ABCC4: variants seen among roughly 807,000 people sequenced by gnomAD.
ABCC4 encodes the protein ATP binding cassette subfamily C member 4 (PEL blood group), also known as ATP-binding cassette sub-family C member 4.
Under a neutral mutation model 168.5 loss-of-function variants are expected in ABCC4, and 102 were observed. The ratio of observed to expected loss-of-function variants is 0.61; its 90% CI spans 0.52 to 0.71. ABCC4 has a LOEUF of 0.71. ABCC4 is among the 30% of genes least tolerant of loss of function. The pLI, the probability that ABCC4 is intolerant of heterozygous loss-of-function variation, is 0.00. For missense variants in ABCC4, 1,402 were observed against 1,605.8 expected (o/e 0.87, Z 2.17); for synonymous variants, 617 against 590.7 (o/e 1.04, Z -0.65).
rs2038275992 is a variant in ABCC4 at position 95,192,204 on chromosome 13, CCAG to C, written c.1263+2629_1263+2631del. Among the ~76,000 whole-genome samples the C allele has an allele frequency of 3.9e-5, 6 of 152,284 alleles. No individual in the cohort carries two copies. The South Asian group carries it at 1.0e-3, about 26-fold the overall frequency. ...TTCCCTCCAATACCTGCTGGTCTAT[CCAG>C]CAGGACTGCTGCTGGGGTCTCTGTC... is the stretch of plus-strand genomic sequence containing the variant. On this transcript the variant is annotated intron_variant, in intron 9 of 30. Coordinates refer to ENST00000645237, the MANE Select transcript of ABCC4 (RefSeq NM_005845.5).
intron 20 of ABCC4, among the ~76,000 whole-genome samples, chr13:95,106,982 C>T (rs1207970325): frequency 6.6e-6 from 1 of 152,122 alleles, no homozygotes; most frequent in African/African-American, 2.4e-5. Context: ...TCAGGCTGGG[C>T]GTGGTGGCTC....
At chr13:95,174,741 G>A (rs982218294) in intron 13 of ABCC4, among the ~76,000 whole-genome samples, 1 of 152,092 alleles carries the variant, frequency 6.6e-6, no homozygotes, top group Non-Finnish European at 1.5e-5. Context: ...GTGGGGCCTC[G>A]CGCAAGACTC....
intron 14 of ABCC4, among the ~76,000 whole-genome samples, chr13:95,169,456 G>A (rs1299501880): frequency 1.3e-5 from 2 of 152,094 alleles, no homozygotes; most frequent in Admixed American, 1.3e-4. Context: ...ACTGCTCTGA[G>A]CCCACCTTTC....
rs144954799 is a variant in ABCC4 at position 95,227,512 on chromosome 13, G to T, written c.531+7098C>A. 7.4e-4 allele frequency among the ~76,000 whole-genome samples: 112 copies of T among 152,214 alleles called. No homozygotes were observed. The East Asian group carries it at 0.02, about 28-fold the overall frequency. ...AACTTAGAAAATAACATTAGAAGAG[G>T]AAGTCCAACCAAAGTATCACATGTG... On this transcript the variant is annotated intron_variant, in intron 4 of 30. Transcript: ENST00000645237.
chr13:95,068,569 G>C (rs373752233), intron 25 of ABCC4, among the ~76,000 whole-genome samples: 72 of 152,284 alleles, frequency 4.7e-4, no homozygotes, highest in African/African-American at 1.7e-3. Context: ...AATGAGCCAA[G>C]ATTGCGCCAC....
At chr13:95,057,725 G>A (rs558527668) in intron 26 of ABCC4, among the ~76,000 whole-genome samples, 7 of 152,338 alleles carry the variant, frequency 4.6e-5, no homozygotes, top group Non-Finnish European at 8.8e-5. Context: ...GGAAGAGAGA[G>A]AACACAGAAA....
rs1166666891 is a variant in ABCC4 at position 95,019,962 on chromosome 13, G to C, written c.*1613C>G. 6.6e-6 allele frequency: 1 copy of C among 152,158 alleles called. No homozygotes were observed. The highest frequency in any genetic ancestry group is 2.4e-5 in the African/African-American group (1 of 41,436). 9.4% of individuals were successfully genotyped at this position (152,158 alleles called of 1,614,324 possible). ...CCTCAAAAGTCCAAATAAACATATA[G>C]ACATTTTGAATATAGCTATCGTTTT... is the stretch of plus-strand genomic sequence containing the variant. On this transcript the variant is annotated 3_prime_UTR_variant, in exon 31 of 31. Transcript: ENST00000645237.
At chr13:95,164,040 C>CAAAAAAAAAAAAAAAAAA in intron 16 of ABCC4, among the ~76,000 whole-genome samples, 1 of 74,742 alleles carries the variant, frequency 1.3e-5, no homozygotes, top group African/African-American at 4.2e-5. Flanking sequence ...AACTCCATCT[C>CAAAAAAAAAAAAAAAAAA]AAAAAAAAAA....
At chr13:95,159,737 C>G (rs978684345) in intron 19 of ABCC4, among the ~76,000 whole-genome samples, 3 of 152,204 alleles carry the variant, frequency 2.0e-5, no homozygotes, top group African/African-American at 7.2e-5. Flanking sequence ...TTTGTGTGGT[C>G]TCTGCAGTTT....
At chr13:95,083,895 G>C (rs373530381) in intron 20 of ABCC4, among the ~76,000 whole-genome samples, 1 of 152,218 alleles carries the variant, frequency 6.6e-6, no homozygotes, top group East Asian at 1.9e-4. Context: ...TAATGGATGA[G>C]AAAACTGAGA....
chr13:95,291,686 T>C (rs2041409006), intron 1 of ABCC4, among the ~76,000 whole-genome samples: 1 of 152,156 alleles, frequency 6.6e-6, no homozygotes, highest in African/African-American at 2.4e-5. Flanking sequence ...CAATTGGCCA[T>C]GTGTCCAATA....
At chr13:95,181,812 A>C (rs2037904502) in intron 11 of ABCC4, among the ~76,000 whole-genome samples, 1 of 152,200 alleles carries the variant, frequency 6.6e-6, no homozygotes, top group Non-Finnish European at 1.5e-5. Flanking sequence ...TTGCCCTTTC[A>C]TATCATGCTT....
chr13:95,108,343 T>C (rs1044236735), intron 20 of ABCC4, among the ~76,000 whole-genome samples: 5 of 152,172 alleles, frequency 3.3e-5, no homozygotes, highest in African/African-American at 1.2e-4. Flanking sequence ...GTGATAGATA[T>C]GGTTTGGCTG....
intron 1 of ABCC4, among the ~76,000 whole-genome samples, chr13:95,270,996 G>A (rs149755931): frequency 0.055 from 8,386 of 152,282 alleles, 274 homozygotes; most frequent in Non-Finnish European, 0.067. Flanking sequence ...TCGGGAGGCT[G>A]AGGCAGGAGA....
Position 95,161,183 on chromosome 13 carries a change from A to G in ABCC4, c.2455+6T>C. ...TACTTACTGAGAAACTTGGTGTCAGACTTACCTATTGGATTTCTATCAAAG... is the reference window on the plus strand; with the variant it reads ...TACTTACTGAGAAACTTGGTGTCAGGCTTACCTATTGGATTTCTATCAAAG... On this transcript the variant is annotated splice_donor_region_variant and intron_variant, in intron 19 of 30. Transcript: ENST00000645237. 1 of 1,592,664 alleles carries G rather than the reference A, an allele frequency of 6.3e-7. No individual in the cohort carries two copies. Among genetic ancestry groups the G allele is most frequent in the East Asian group, 2.3e-5 (1 of 44,210 alleles).
intron 19 of ABCC4, among the ~76,000 whole-genome samples, chr13:95,159,093 T>TTATATG (rs1257474310): frequency 4.9e-5 from 3 of 61,016 alleles, no homozygotes; most frequent in African/African-American, 1.4e-4. Flanking sequence ...TAAATAAATT[T>TTATATG]TATATATATA....
intron 4 of ABCC4, among the ~76,000 whole-genome samples, chr13:95,215,436 T>C (rs1386799822): frequency 6.6e-6 from 1 of 152,098 alleles, no homozygotes; most frequent in Admixed American, 6.6e-5. Context: ...GAAGACAAAT[T>C]ACTTTGAAAA....
chr13:95,051,596 C>T (rs1274502950), intron 27 of ABCC4, among the ~76,000 whole-genome samples: 1 of 151,942 alleles, frequency 6.6e-6, no homozygotes, highest in East Asian at 1.9e-4. Context: ...AGGCTCCACA[C>T]TTCTTTGAAA....
At chr13:95,197,292 C>A (rs181839792) in intron 8 of ABCC4, among the ~76,000 whole-genome samples, 1 of 152,306 alleles carries the variant, frequency 6.6e-6, no homozygotes, top group East Asian at 1.9e-4. Context: ...ATATATACAT[C>A]TTCTTAACCT....
Sources: gnomAD v4.1 joint callset for allele counts (sites outside exome capture counted in the v4.1 genomes callset) on GRCh38, gnomAD v4.1.1 for gene constraint, MANE v1.5 for transcripts, NCBI Gene and HGNC (gene_info 2026-07-23, HGNC 2026-07-21) for gene names.